Variants in IARS1 observed in about 807,000 individuals in gnomAD.
IARS1 encodes the protein isoleucine--tRNA ligase, cytoplasmic.
IARS1 carries 124 observed loss-of-function variants against 168.2 expected under a neutral mutation model. The observed-to-expected ratio is 0.74, with a 90% CI of 0.64 to 0.86. The LOEUF (loss-of-function observed/expected upper bound fraction) is 0.86, where lower values mean the gene tolerates loss of function less well. IARS1 is among the 40% of genes least tolerant of loss of function. The probability of loss-of-function intolerance (pLI) is 0.00; values close to 1 mark genes in which losing one functional copy is unlikely to be tolerated. For synonymous variants in IARS1, 532 were observed against 529.4 expected, an observed-to-expected ratio of 1.00 and a Z score of -0.07; for missense variants, 1,452 against 1,515.8, an observed-to-expected ratio of 0.96 and a Z score of 0.70.
chr9:92,287,986 ACAAAT>A (rs907214124), intron 3 of IARS1, 76 bp from the exon 4 acceptor site: 94 of 1,569,088 alleles, frequency 6.0e-5, no homozygotes, highest in Non-Finnish European at 7.3e-5. Flanking sequence ...AGAAAACAAA[ACAAAT>A]CAAACTACAA....
intron 30 of IARS1, among the ~76,000 whole-genome samples, chr9:92,231,991 G>A (rs936020878): frequency 2.0e-5 from 3 of 151,978 alleles, no homozygotes; most frequent in African/African-American, 7.3e-5. Context: ...ATACAACTAT[G>A]AGTTCAACCT....
At chr9:92,234,558 G>A (rs973011471) in intron 30 of IARS1, among the ~76,000 whole-genome samples, 2 of 152,188 alleles carry the variant, frequency 1.3e-5, no homozygotes, top group African/African-American at 4.8e-5. Context: ...CACTGCTCAT[G>A]CTGCTGGCCC....
At chr9:92,210,923 G>A in intron 33 of IARS1, 34 bp from the exon 34 acceptor site, 2 of 1,349,732 alleles carry the variant, frequency 1.5e-6, no homozygotes, top group Non-Finnish European at 2.1e-6. Context: ...AAAAAAATCA[G>A]TATTTTACCT....
chr9:92,236,710 G>A (rs72750430), intron 30 of IARS1, among the ~76,000 whole-genome samples: 4,651 of 152,228 alleles, frequency 0.031, 111 homozygotes, highest in South Asian at 0.079. Context: ...TTCATCAGGC[G>A]TGGTGTGGCA....
chr9:92,268,168 C>A lies in IARS1; in HGVS notation c.1431+6G>T. Reference sequence around the variant, plus strand: ...ATCAACACAAGGAAATACTGCCATGCCTCACCTCCTCAAAGTCATCGCTGA... The same window carrying A: ...ATCAACACAAGGAAATACTGCCATGACTCACCTCCTCAAAGTCATCGCTGA... On this transcript the variant is annotated splice_donor_region_variant and intron_variant, in intron 14 of 33. Transcript: ENST00000443024. The A allele has an allele frequency of 1.9e-6, 3 of 1,572,648 alleles. No individual in the cohort carries two copies. Among genetic ancestry groups the A allele is most frequent in the Non-Finnish European group, 1.7e-6 (2 of 1,165,236 alleles).
intron 33 of IARS1, among the ~76,000 whole-genome samples, chr9:92,219,890 C>T (rs1004827979): frequency 2.9e-4 from 44 of 151,974 alleles, no homozygotes; most frequent in Middle Eastern, 3.4e-3. Context: ...ACTGGAAATA[C>T]CATTTGACCT....
At chr9:92,240,609 G>A (rs1207670055) in intron 30 of IARS1, 3 of 699,084 alleles carry the variant, frequency 4.3e-6, no homozygotes, top group Non-Finnish European at 7.9e-6. Flanking sequence ...GGCAAGGTTA[G>A]TCTTGAACTC....
chr9:92,268,390 T>C, intron 13 of IARS1, 90 bp from the exon 14 acceptor site: 1 of 1,313,360 alleles, frequency 7.6e-7, no homozygotes, highest in South Asian at 1.3e-5. Flanking sequence ...TGTATAACGC[T>C]TTGTGGACCA....
intron 33 of IARS1, among the ~76,000 whole-genome samples, chr9:92,221,217 AG>A (rs1408529098): frequency 6.6e-6 from 1 of 152,208 alleles, no homozygotes; most frequent in African/African-American, 2.4e-5. Flanking sequence ...AATAAGAGGT[AG>A]GATAGAGTGA....
intron 30 of IARS1, chr9:92,240,450 G>T (rs748624663): frequency 2.1e-5 from 11 of 514,976 alleles, no homozygotes; most frequent in Non-Finnish European, 3.5e-5. Flanking sequence ...TTTTAGTAGA[G>T]ACAGGGTTTC....
chr9:92,277,822 A>C (rs763138093), intron 9 of IARS1, 41 bp downstream of exon 9: 2 of 1,540,868 alleles, frequency 1.3e-6, no homozygotes, highest in South Asian at 2.3e-5. Context: ...TCAAATAATC[A>C]GATTGTGGAG....
chr9:92,226,059 C>T (rs866931883), intron 31 of IARS1, among the ~76,000 whole-genome samples: 2 of 152,234 alleles, frequency 1.3e-5, no homozygotes, highest in African/African-American at 4.8e-5. Flanking sequence ...GTTTCTACTT[C>T]TCATCCTACC....
At chr9:92,286,322 G>A (rs1238772346) in intron 5 of IARS1, among the ~76,000 whole-genome samples, 1 of 152,178 alleles carries the variant, frequency 6.6e-6, no homozygotes, top group African/African-American at 2.4e-5. Flanking sequence ...GGCCAAGACT[G>A]TGCCACTGCC....
intron 31 of IARS1, among the ~76,000 whole-genome samples, chr9:92,223,937 G>A (rs753457024): frequency 6.6e-6 from 1 of 152,212 alleles, no homozygotes; most frequent in African/African-American, 2.4e-5. Context: ...AACATTAAAC[G>A]TTGCTTGGGG....
At chr9:92,238,860 T>C (rs1234058715) in intron 30 of IARS1, among the ~76,000 whole-genome samples, 1 of 152,232 alleles carries the variant, frequency 6.6e-6, no homozygotes, top group Non-Finnish European at 1.5e-5. Context: ...TATTATTTCT[T>C]GTTCAGTAAA....
intron 14 of IARS1, 102 bp downstream of exon 14, chr9:92,268,072 G>A: frequency 8.4e-7 from 1 of 1,193,340 alleles, no homozygotes; most frequent in Non-Finnish European, 1.2e-6. Flanking sequence ...AAATAAGAAA[G>A]GGGCAAAGAA....
chr9:92,249,823 A>G (rs768072045), intron 25 of IARS1, 35 bp downstream of exon 25: 5 of 1,072,142 alleles, frequency 4.7e-6, no homozygotes, highest in Non-Finnish European at 7.1e-6. Flanking sequence ...TTCTAAGTCT[A>G]TCTGTACCAA....
At chr9:92,280,572 TGTTA>T (rs1288404651) in intron 7 of IARS1, among the ~76,000 whole-genome samples, 170 bp downstream of exon 7, 1 of 152,268 alleles carries the variant, frequency 6.6e-6, no homozygotes, top group Non-Finnish European at 1.5e-5. Context: ...TTAATTGTTT[TGTTA>T]GTTTTCAATT....
rs769603552 is a variant in IARS1, at chr9:92,249,887, T to A, written c.2587A>T (p.Ile863Phe). 5.0e-6 allele frequency: 8 copies of A among 1,603,544 alleles called. No individual in the cohort carries two copies. Among genetic ancestry groups the A allele is most frequent in the Admixed American group, 1.7e-5 (1 of 59,834 alleles). ...ATGATATACTTCTCCAAAGACTTGATATCTTTAAGAGCTTCTGGATCTTGA... is the reference window on the plus strand; with the variant it reads ...ATGATATACTTCTCCAAAGACTTGAAATCTTTAAGAGCTTCTGGATCTTGA... The part of the protein sequence containing the change: ...IHQDPEALKD[I>F]KSLEKYIIEE... The change falls in exon 25 of 34, where the codon ATC becomes TTC. Residue 863 changes from isoleucine to phenylalanine, a missense_variant. Physicochemically the swap from Ile to Phe is conservative, Grantham distance 21 (BLOSUM62 0). Coordinates refer to ENST00000443024, the MANE Select transcript of IARS1 (RefSeq NM_002161.6).
Sources: gnomAD v4.1 joint callset for allele counts (sites outside exome capture counted in the v4.1 genomes callset) on GRCh38, gnomAD v4.1.1 for gene constraint, MANE v1.5 for transcripts, NCBI Gene and HGNC (gene_info 2026-07-23, HGNC 2026-07-21) for gene names.